Variants in TWSG1 observed in about 807,000 individuals in gnomAD.
TWSG1 encodes the protein twisted gastrulation protein homolog 1.
In TWSG1, 15 loss-of-function variants were observed where a neutral mutation model predicts 23.0. The observed-to-expected ratio is 0.65, with a 90% CI of 0.44 to 1.00. The LOEUF (loss-of-function observed/expected upper bound fraction) is 1.00, where lower values mean the gene tolerates loss of function less well. Ranked by LOEUF, TWSG1 falls within the 50% of genes least tolerant of loss-of-function variation. TWSG1 has a pLI of 0.00. For synonymous variants in TWSG1, 86 were observed against 92.8 expected (o/e 0.93, Z 0.42); for missense variants, 242 against 278.7 (o/e 0.87, Z 0.94).
chr18:9,369,457 T>C (rs1306865488), intron 3 of TWSG1, among the ~76,000 whole-genome samples: 1 of 152,032 alleles, frequency 6.6e-6, no homozygotes, highest in Non-Finnish European at 1.5e-5. Flanking sequence ...TTAGTAGAGA[T>C]GGGGTTTCAC....
At position 9,346,470 on chromosome 18, in the gene TWSG1, G is replaced by A. The variant is rs567448425; in HGVS notation, c.123+9118G>A. On this transcript the variant is annotated intron_variant, in intron 2 of 4. Transcript: ENST00000262120. The stretch of plus-strand genomic sequence containing the variant: ...TGAAGGACATCTTGATTGCTTCTAA[G>A]ATTTAGTAGCTATGAATAAAGCTTA... Among the ~76,000 whole-genome samples the A allele has an allele frequency of 2.0e-5, 3 of 152,158 alleles. No individual in the cohort carries two copies. The South Asian group carries it at 6.2e-4, about 31-fold the overall frequency.
At chr18:9,339,131 G>C (rs2040434850) in intron 2 of TWSG1, among the ~76,000 whole-genome samples, 1 of 151,960 alleles carries the variant, frequency 6.6e-6, no homozygotes, top group South Asian at 2.1e-4. Context: ...TTTGAGCCCA[G>C]GAGGTTGAGG....
chr18:9,374,630 T>G (rs1384017548), intron 3 of TWSG1, among the ~76,000 whole-genome samples: 1 of 152,208 alleles, frequency 6.6e-6, no homozygotes, highest in Admixed American at 6.5e-5. Context: ...CTCTACAGTC[T>G]CTTTCAGAAG....
At chr18:9,336,399 A>G (rs965296881) in intron 1 of TWSG1, among the ~76,000 whole-genome samples, 2 of 152,060 alleles carry the variant, frequency 1.3e-5, no homozygotes, top group South Asian at 2.1e-4. Context: ...CTAAAAGAAA[A>G]AAAAAAAAAA....
chr18:9,357,744 T>G (rs1409736265), intron 2 of TWSG1, among the ~76,000 whole-genome samples: 1 of 152,188 alleles, frequency 6.6e-6, no homozygotes, highest in African/African-American at 2.4e-5. Context: ...TTTAGGCTTC[T>G]TTAATTTTAA....
chr18:9,344,531 A>ATTTT (rs386387024), intron 2 of TWSG1, among the ~76,000 whole-genome samples: 55,618 of 98,216 alleles, frequency 0.57, 17,231 homozygotes, highest in Non-Finnish European at 0.67. Context: ...GTATGTATGT[A>ATTTT]TTTTTTTTTT....
chr18:9,359,970 A>G lies in TWSG1; in HGVS notation c.124-2A>G, dbSNP rs1439772663. 2 of 1,612,678 alleles carry G rather than the reference A, an allele frequency of 1.2e-6. No individual in the cohort carries two copies. The highest frequency in any genetic ancestry group is 8.5e-7 in the Non-Finnish European group (1 of 1,179,018). On this transcript the variant is annotated splice_acceptor_variant, in intron 2 of 4. Transcript: ENST00000262120. LOFTEE classifies it high-confidence loss of function. ...GAAGTTTAACATCTGTCTTGTTTCTAGGAGCTCTGCCAGTGCCGGCCGGGA... is the reference window on the plus strand; with the variant it reads ...GAAGTTTAACATCTGTCTTGTTTCTGGGAGCTCTGCCAGTGCCGGCCGGGA...
Position 9,396,565 on chromosome 18 carries a change from CTT to C in TWSG1, c.490+23_490+24del. On this transcript the variant is annotated intron_variant, in intron 4 of 4. Transcript: ENST00000262120. Reference sequence around the variant, plus strand: ...GACAAAGGTAACTGCCAACAGTTGACTTTTTCCATTCCGCCCCCTCATGTGGT... The same window carrying C: ...GACAAAGGTAACTGCCAACAGTTGACTTTCCATTCCGCCCCCTCATGTGGT... 1 of 1,604,252 alleles carries C rather than the reference CTT, an allele frequency of 6.2e-7. No individual in the cohort carries two copies. Among genetic ancestry groups the C allele is most frequent in the Non-Finnish European group, 8.5e-7 (1 of 1,177,850 alleles).
chr18:9,399,532 G>C lies in TWSG1; in HGVS notation c.*5G>C. On this transcript the variant is annotated 3_prime_UTR_variant, in exon 5 of 5. Coordinates refer to ENST00000262120, the MANE Select transcript of TWSG1 (RefSeq NM_020648.6). ...TGTATGAACTGCATGTTTTAAAGAA[G>C]ACAAATGCAAACCAAAGCAACTTAG... The C allele has an allele frequency of 2.5e-6, 4 of 1,594,588 alleles. No homozygotes were observed. Among genetic ancestry groups the C allele is most frequent in the Non-Finnish European group, 3.4e-6 (4 of 1,172,588 alleles).
chr18:9,393,296 T>G (rs966812512), intron 3 of TWSG1, among the ~76,000 whole-genome samples: 1 of 152,260 alleles, frequency 6.6e-6, no homozygotes, highest in African/African-American at 2.4e-5. Flanking sequence ...CTATTGCTAC[T>G]AAACAAGCTA....
intron 3 of TWSG1, among the ~76,000 whole-genome samples, chr18:9,370,954 A>T (rs1253069968): frequency 1.3e-5 from 2 of 152,150 alleles, no homozygotes; most frequent in African/African-American, 2.4e-5. Flanking sequence ...TTCTCTAAGT[A>T]GCCAAAATGG....
At chr18:9,371,422 G>A (rs1240231027) in intron 3 of TWSG1, among the ~76,000 whole-genome samples, 3 of 150,544 alleles carry the variant, frequency 2.0e-5, no homozygotes, top group African/African-American at 4.9e-5. Flanking sequence ...TCATCCTCCC[G>A]AGTAGCTAGG....
intron 3 of TWSG1, among the ~76,000 whole-genome samples, chr18:9,384,418 T>A (rs1193551552): frequency 6.6e-6 from 1 of 152,186 alleles, no homozygotes; most frequent in Non-Finnish European, 1.5e-5. Flanking sequence ...GATATGCAGG[T>A]AATGGTTGAT....
intron 2 of TWSG1, among the ~76,000 whole-genome samples, chr18:9,357,540 A>G (rs959975614): frequency 2.6e-5 from 4 of 152,230 alleles, no homozygotes; most frequent in Non-Finnish European, 5.9e-5. Flanking sequence ...CTGTGTTTAC[A>G]TTTTGAAAGC....
intron 1 of TWSG1, among the ~76,000 whole-genome samples, chr18:9,336,936 A>G (rs1019896848): frequency 3.9e-5 from 6 of 152,172 alleles, no homozygotes; most frequent in South Asian, 4.1e-4. Context: ...AAGGCCAGGC[A>G]TGGTGGTATT....
intron 3 of TWSG1, among the ~76,000 whole-genome samples, chr18:9,380,770 C>T (rs1475603067): frequency 6.6e-6 from 1 of 152,082 alleles, no homozygotes; most frequent in Non-Finnish European, 1.5e-5. Flanking sequence ...TTAGAGGCAT[C>T]GTATAAATAT....
intron 3 of TWSG1, among the ~76,000 whole-genome samples, chr18:9,377,272 G>T (rs1039750542): frequency 6.6e-6 from 1 of 151,434 alleles, no homozygotes; most frequent in African/African-American, 2.4e-5. Context: ...AGGCTGGCGT[G>T]CAGTGGTGCG....
At chr18:9,370,306 G>C (rs2040598776) in intron 3 of TWSG1, among the ~76,000 whole-genome samples, 1 of 147,744 alleles carries the variant, frequency 6.8e-6, no homozygotes, top group South Asian at 2.1e-4. Flanking sequence ...GACAGAGTGA[G>C]ACTCCATCTA....
At chr18:9,376,742 G>C (rs1183785112) in intron 3 of TWSG1, among the ~76,000 whole-genome samples, 1 of 151,816 alleles carries the variant, frequency 6.6e-6, no homozygotes, top group Non-Finnish European at 1.5e-5. Flanking sequence ...TAAGGTGGGA[G>C]GATTGCTTGA....
Sources: allele counts gnomAD v4.1 joint callset (sites outside exome capture counted in the v4.1 genomes callset), GRCh38; gene constraint gnomAD v4.1.1; transcripts MANE v1.5; gene names NCBI Gene and HGNC (gene_info 2026-07-23, HGNC 2026-07-21).